SLC9A8: variants seen among roughly 807,000 people sequenced by gnomAD.
SLC9A8 encodes the protein sodium/hydrogen exchanger 8.
SLC9A8 carries 48 observed loss-of-function variants against 66.6 expected under a neutral mutation model. The ratio of observed to expected loss-of-function variants is 0.72; its 90% CI spans 0.57 to 0.92. The LOEUF (loss-of-function observed/expected upper bound fraction) is 0.92, where lower values mean the gene tolerates loss of function less well. SLC9A8 is among the 40% of genes least tolerant of loss of function. The probability of loss-of-function intolerance (pLI) is 0.00; values close to 1 mark genes in which losing one functional copy is unlikely to be tolerated. For missense variants in SLC9A8, 599 were observed against 747.3 expected, an observed-to-expected ratio of 0.80 and a Z score of 2.31; for synonymous variants, 274 against 282.6, an observed-to-expected ratio of 0.97 and a Z score of 0.31.
intron 4 of SLC9A8, among the ~76,000 whole-genome samples, chr20:49,844,476 C>G (rs1395303409): frequency 6.6e-6 from 1 of 152,040 alleles, no homozygotes; most frequent in African/African-American, 2.4e-5. Context: ...TTTCTTTTCA[C>G]TGATCACCTT....
intron 1 of SLC9A8, among the ~76,000 whole-genome samples, chr20:49,814,313 A>T (rs184306065): frequency 6.6e-6 from 1 of 152,228 alleles, no homozygotes; most frequent in South Asian, 2.1e-4. Context: ...CAGACATGTT[A>T]TACCTATTAA....
intron 3 of SLC9A8, among the ~76,000 whole-genome samples, chr20:49,825,919 T>G (rs2086897543): frequency 6.6e-6 from 1 of 152,190 alleles, no homozygotes; most frequent in Non-Finnish European, 1.5e-5. Flanking sequence ...TCCTCTTCTT[T>G]CTGGCACCAA....
intron 12 of SLC9A8, among the ~76,000 whole-genome samples, chr20:49,879,656 C>G (rs1330277351): frequency 6.6e-6 from 1 of 151,928 alleles, no homozygotes; most frequent in Non-Finnish European, 1.5e-5. Flanking sequence ...GAAACCCCGT[C>G]TCTACTAAAA....
At chr20:49,880,234 A>G (rs906969788) in intron 12 of SLC9A8, among the ~76,000 whole-genome samples, 1 of 147,754 alleles carries the variant, frequency 6.8e-6, no homozygotes, top group Non-Finnish European at 1.5e-5. Context: ...ACTGCACTCC[A>G]GCATGCGAGA....
chr20:49,883,104 G>A (rs917561618), intron 13 of SLC9A8, among the ~76,000 whole-genome samples: 1 of 149,208 alleles, frequency 6.7e-6, no homozygotes, highest in Non-Finnish European at 1.5e-5. Context: ...GCTCCCCAAG[G>A]GTGGGGCTAG....
At chr20:49,861,862 C>T (rs1018987188) in intron 8 of SLC9A8, among the ~76,000 whole-genome samples, 3 of 151,958 alleles carry the variant, frequency 2.0e-5, no homozygotes, top group Admixed American at 6.6e-5. Context: ...TCTCCTAAAT[C>T]CTCCCTCTCA....
rs189319056 is a variant in SLC9A8, at chr20:49,841,050, A to T, written c.348+1451A>T. Among the ~76,000 whole-genome samples the T allele has an allele frequency of 8.5e-5, 13 of 152,238 alleles. No individual in the cohort carries two copies. In the East Asian group the frequency reaches 1.4e-3, roughly 16 times the overall value. ...GCGGGTGCGGTGGCTCATGCCTGTA[A>T]TCCCAGAATTTTGAGAGGCTGAGTC... On this transcript the variant is annotated intron_variant, in intron 4 of 15. Transcript: ENST00000361573.
chr20:49,855,367 A>T, intron 7 of SLC9A8, 71 bp from the exon 8 acceptor site: 1 of 1,469,470 alleles, frequency 6.8e-7, no homozygotes, highest in Non-Finnish European at 9.4e-7. Context: ...ATGGCCTTTG[A>T]CTTTAATGCT....
At chr20:49,816,628 A>AAAAC (rs752279757) in intron 2 of SLC9A8, among the ~76,000 whole-genome samples, 1 of 152,102 alleles carries the variant, frequency 6.6e-6, no homozygotes, top group South Asian at 2.1e-4. Context: ...TCCATCTCAA[A>AAAAC]AAACAAACAA....
chr20:49,826,628 T>C (rs867198938), intron 3 of SLC9A8, among the ~76,000 whole-genome samples: 1 of 152,236 alleles, frequency 6.6e-6, no homozygotes, highest in Non-Finnish European at 1.5e-5. Context: ...TCATTCTTTA[T>C]AAAAATATAG....
At chr20:49,823,002 GT>G in intron 2 of SLC9A8, 58 bp from the exon 3 acceptor site, 1 of 1,398,100 alleles carries the variant, frequency 7.2e-7, no homozygotes, top group Non-Finnish European at 1.0e-6. Context: ...TGAACTTGGT[GT>G]TTATCATTCA....
rs3091810 is a variant in SLC9A8, at chr20:49,847,907, G to GTTTTTT, written c.433-1658_433-1653dup. ...CAAACAGGTCAAAACTGATTAATCT[G>GTTTTTT]TTTTTTTTTTTTTTTTTTTGAGATG... On this transcript the variant is annotated intron_variant, in intron 5 of 15. Transcript: ENST00000361573. 1.3e-4 allele frequency among the ~76,000 whole-genome samples: 15 copies of GTTTTTT among 115,204 alleles called. 1 individual carries two copies. Among genetic ancestry groups the GTTTTTT allele is most frequent in the South Asian group, 2.8e-4 (1 of 3,576 alleles). 75.6% of individuals were successfully genotyped at this position (115,204 alleles called of 152,430 possible).
chr20:49,814,283 G>C (rs1057299580), intron 1 of SLC9A8, among the ~76,000 whole-genome samples: 4 of 152,118 alleles, frequency 2.6e-5, no homozygotes, highest in Admixed American at 2.0e-4. Flanking sequence ...AGTAAAAAAC[G>C]GAAAGTAATC....
chr20:49,884,289 GACACACACACAC>G (rs1176516884), intron 14 of SLC9A8: 2 of 37,704 alleles, frequency 5.3e-5, no homozygotes, highest in South Asian at 1.9e-4. Flanking sequence ...ACACACACAC[GACACACACACAC>G]ACACACACAC....
chr20:49,816,428 AAAAC>A (rs2086551337), intron 2 of SLC9A8, among the ~76,000 whole-genome samples: 1 of 152,032 alleles, frequency 6.6e-6, no homozygotes, highest in African/African-American at 2.4e-5. Flanking sequence ...TTAAAAAAAA[AAAAC>A]AAAAAAAACC....
chr20:49,855,018 G>A (rs946819756), intron 7 of SLC9A8, among the ~76,000 whole-genome samples: 2 of 152,228 alleles, frequency 1.3e-5, no homozygotes, highest in African/African-American at 4.8e-5. Context: ...GCAAATCTGA[G>A]TGCAGGCTGG....
chr20:49,858,863 C>T (rs912310216), intron 8 of SLC9A8, among the ~76,000 whole-genome samples: 1 of 151,432 alleles, frequency 6.6e-6, no homozygotes, highest in Admixed American at 6.6e-5. Flanking sequence ...GAGGCTGAGG[C>T]AGGAGGATTG....
At position 49,833,088 on chromosome 20, in the gene SLC9A8, C is replaced by T. The variant is rs148893495; in HGVS notation, c.290-6453C>T. Among the ~76,000 whole-genome samples the T allele has an allele frequency of 6.6e-3, 1,004 of 151,978 alleles. 7 individuals carry two copies. The highest frequency in any genetic ancestry group is 0.014 in the African/African-American group (599 of 41,444). ...ACTCCGCTAATTTTTGTATTTTTAG[C>T]GGAGACGGGGTTTCACTATGTTGGC... On this transcript the variant is annotated intron_variant, in intron 3 of 15. Transcript: ENST00000361573.
At chr20:49,816,274 G>A (rs977237893) in intron 2 of SLC9A8, among the ~76,000 whole-genome samples, 3 of 151,978 alleles carry the variant, frequency 2.0e-5, no homozygotes, top group African/African-American at 7.3e-5. Flanking sequence ...ACAAAAATTA[G>A]CTGGGCGTGG....
Sources: allele counts gnomAD v4.1 joint callset (sites outside exome capture counted in the v4.1 genomes callset), GRCh38; gene constraint gnomAD v4.1.1; transcripts MANE v1.5; gene names NCBI Gene and HGNC (gene_info 2026-07-23, HGNC 2026-07-21).